Variants in SLC5A8 observed in about 807,000 individuals in gnomAD.
The protein encoded by SLC5A8 is solute carrier family 5 member 8.
A neutral mutation model predicts 71.9 loss-of-function variants in SLC5A8; 55 were observed. The ratio of observed to expected loss-of-function variants is 0.77; its 90% CI spans 0.62 to 0.96. The LOEUF (loss-of-function observed/expected upper bound fraction) is 0.96, where lower values mean the gene tolerates loss of function less well. SLC5A8 is among the 40% of genes least tolerant of loss of function. The pLI is 0.00. For synonymous variants in SLC5A8, 307 were observed against 276.1 expected (o/e 1.11, Z -1.11); for missense variants, 701 against 745.3 (o/e 0.94, Z 0.69).
chr12:101,158,039 GT>G (rs1566302895), intron 14 of SLC5A8, among the ~76,000 whole-genome samples: 1 of 152,136 alleles, frequency 6.6e-6, no homozygotes, highest in Non-Finnish European at 1.5e-5. Flanking sequence ...TAAGCAATAG[GT>G]ATAGCGTATC....
chr12:101,162,312 C>T (rs1166623666), intron 12 of SLC5A8, among the ~76,000 whole-genome samples: 1 of 152,136 alleles, frequency 6.6e-6, no homozygotes, highest in African/African-American at 2.4e-5. Flanking sequence ...TGCATGATGT[C>T]CCAGGCACTG....
Position 101,193,787 on chromosome 12 carries a change from G to A in SLC5A8, c.538-8C>T. On this transcript the variant is annotated splice_polypyrimidine_tract_variant and splice_region_variant and intron_variant, in intron 4 of 14. Transcript: ENST00000536262. ...AACTGCTTTAAGACCACCCTTTGAG[G>A]GGAAAGTATATTAGGATTAATGCTT... 6.2e-7 allele frequency: 1 copy of A among 1,613,366 alleles called. No individual in the cohort carries two copies. The highest frequency in any genetic ancestry group is 8.5e-7 in the Non-Finnish European group (1 of 1,179,764).
At chr12:101,207,366 C>T (rs1324367103) in intron 1 of SLC5A8, among the ~76,000 whole-genome samples, 2 of 152,182 alleles carry the variant, frequency 1.3e-5, no homozygotes, top group Non-Finnish European at 1.5e-5. Flanking sequence ...AAATGGGGCT[C>T]TTGATAGTAC....
chr12:101,189,491 G>C (rs1868806922), intron 6 of SLC5A8, among the ~76,000 whole-genome samples: 2 of 151,922 alleles, frequency 1.3e-5, no homozygotes, highest in African/African-American at 4.8e-5. Flanking sequence ...ATCCACCCTG[G>C]ACTCTTATTC....
At chr12:101,169,160 C>T (rs113393142) in intron 10 of SLC5A8, among the ~76,000 whole-genome samples, 4 of 152,226 alleles carry the variant, frequency 2.6e-5, no homozygotes, top group African/African-American at 7.2e-5. Flanking sequence ...CACTGCAAGA[C>T]GTCATATGAC....
At chr12:101,190,317 T>C (rs1868838909) in intron 6 of SLC5A8, 151 bp downstream of exon 6, 1 of 788,384 alleles carries the variant, frequency 1.3e-6, no homozygotes, top group South Asian at 2.0e-5. Context: ...TAACAATTTG[T>C]TCTTGGTCCT....
chr12:101,158,594 CTCTCTATATA>C (rs1347531346), intron 13 of SLC5A8, among the ~76,000 whole-genome samples: 191 of 21,158 alleles, frequency 9.0e-3, no homozygotes, highest in South Asian at 0.012. Context: ...CTCTCTCTCT[CTCTCTATATA>C]TATATATATA....
chr12:101,183,139 G>A (rs1006603145), intron 8 of SLC5A8, among the ~76,000 whole-genome samples: 5 of 136,624 alleles, frequency 3.7e-5, no homozygotes, highest in Non-Finnish European at 6.1e-5. Context: ...TCTGCCTCCC[G>A]GGTTCACGCC....
intron 10 of SLC5A8, among the ~76,000 whole-genome samples, chr12:101,174,095 G>A (rs1443469989): frequency 6.6e-6 from 1 of 152,198 alleles, no homozygotes; most frequent in African/African-American, 2.4e-5. Flanking sequence ...ACTACGGAGT[G>A]TTCCGGAGGG....
At chr12:101,173,740 T>C (rs2051853622) in intron 10 of SLC5A8, among the ~76,000 whole-genome samples, 2 of 152,224 alleles carry the variant, frequency 1.3e-5, no homozygotes. Context: ...AATATGCTTC[T>C]AAGTCCCTAG....
rs748024716 is a variant in SLC5A8 at position 101,187,373 on chromosome 12, C to T, written c.963+13G>A. 38 of 1,607,856 alleles carry T rather than the reference C, an allele frequency of 2.4e-5. No homozygotes were observed. The highest frequency in any genetic ancestry group is 3.1e-5 in the Non-Finnish European group (37 of 1,177,794). On this transcript the variant is annotated intron_variant, in intron 7 of 14. Coordinates refer to ENST00000536262, the MANE Select transcript of SLC5A8 (RefSeq NM_145913.5). ...ATTATTAATACACCTGTAAGAAAGACATGGTACTGAACCTGGTCTGGTGCA... is the reference window on the plus strand; with the variant it reads ...ATTATTAATACACCTGTAAGAAAGATATGGTACTGAACCTGGTCTGGTGCA...
chr12:101,199,425 A>G (rs1869340087), intron 3 of SLC5A8: 1 of 152,018 alleles, frequency 6.6e-6, no homozygotes, highest in Non-Finnish European at 1.5e-5. Context: ...TATATCATGT[A>G]ATGTATTAGA....
intron 13 of SLC5A8, among the ~76,000 whole-genome samples, chr12:101,161,733 A>G (rs976248930): frequency 6.6e-6 from 1 of 152,360 alleles, no homozygotes; most frequent in African/African-American, 2.4e-5. Flanking sequence ...GCTGAGGCTC[A>G]GTGTAGCTAT....
chr12:101,161,922 G>C, intron 13 of SLC5A8, 52 bp downstream of exon 13: 1 of 1,271,750 alleles, frequency 7.9e-7, no homozygotes, highest in South Asian at 1.2e-5. Context: ...AACAGATACA[G>C]TAAAAACTGA....
At chr12:101,158,592 C>CTATA (rs1566303428) in intron 13 of SLC5A8, among the ~76,000 whole-genome samples, 26 of 25,902 alleles carry the variant, frequency 1.0e-3, no homozygotes, top group Non-Finnish European at 1.1e-3. Flanking sequence ...CTCTCTCTCT[C>CTATA]TCTCTCTATA....
At chr12:101,176,663 C>T (rs2051882701) in intron 10 of SLC5A8, among the ~76,000 whole-genome samples, 1 of 151,970 alleles carries the variant, frequency 6.6e-6, no homozygotes, top group South Asian at 2.1e-4. Context: ...TACTTGCAAA[C>T]TAAGTACCAT....
chr12:101,188,488 T>C lies in SLC5A8; in HGVS notation c.834-973A>G, dbSNP rs551780265. On this transcript the variant is annotated intron_variant, in intron 6 of 14. Coordinates refer to ENST00000536262, the MANE Select transcript of SLC5A8 (RefSeq NM_145913.5). Reference sequence around the variant, plus strand: ...ACCCCCGCAGGAAGTCTGCATCCAATGACAAATGGATTCAGAGGTTTAAAG... The same window carrying C: ...ACCCCCGCAGGAAGTCTGCATCCAACGACAAATGGATTCAGAGGTTTAAAG... Among the ~76,000 whole-genome samples, 9 of 152,234 alleles carry C rather than the reference T, an allele frequency of 5.9e-5. No individual in the cohort carries two copies. In the East Asian group the frequency reaches 1.7e-3, roughly 29 times the overall value.
chr12:101,187,765 C>T (rs1399020492), intron 6 of SLC5A8, among the ~76,000 whole-genome samples: 1 of 151,692 alleles, frequency 6.6e-6, no homozygotes, highest in Non-Finnish European at 1.5e-5. Flanking sequence ...TGCTCGTGGT[C>T]GGAGCTCCAG....
Position 101,156,169 on chromosome 12 carries a change from T to C in SLC5A8, c.*1110A>G, listed in dbSNP as rs2051659644. 6.6e-6 allele frequency: 1 copy of C among 152,196 alleles called. No individual in the cohort carries two copies. Among genetic ancestry groups the C allele is most frequent in the South Asian group, 2.1e-4 (1 of 4,826 alleles). The allele number at this position is 152,196 out of a possible 1,614,324, so 9.4% of individuals were successfully genotyped here. Reference sequence around the variant, plus strand: ...TTTTAAAAAAAGTAGTGTTTGCTTATATAATTTAGCCCTTTAACTGGATAA... The same window carrying C: ...TTTTAAAAAAAGTAGTGTTTGCTTACATAATTTAGCCCTTTAACTGGATAA... On this transcript the variant is annotated 3_prime_UTR_variant, in exon 15 of 15. Coordinates refer to ENST00000536262, the MANE Select transcript of SLC5A8 (RefSeq NM_145913.5).
Sources: gnomAD v4.1 joint callset for allele counts (sites outside exome capture counted in the v4.1 genomes callset) on GRCh38, gnomAD v4.1.1 for gene constraint, MANE v1.5 for transcripts, NCBI Gene and HGNC (gene_info 2026-07-23, HGNC 2026-07-21) for gene names.